Variants in SCARF2 observed in about 807,000 individuals in gnomAD.
SCARF2 encodes scavenger receptor expressed by endothelial cells 2 protein.
Under a neutral mutation model 73.4 loss-of-function variants are expected in SCARF2, and 39 were observed. The observed-to-expected ratio is 0.53, with a 90% CI of 0.41 to 0.69. SCARF2 has a LOEUF of 0.69. Ranked by LOEUF, SCARF2 falls within the 30% of genes least tolerant of loss-of-function variation. SCARF2 has a pLI of 0.00. For missense variants in SCARF2, 1,148 were observed against 1,303.5 expected, an observed-to-expected ratio of 0.88 and a Z score of 1.84; for synonymous variants, 605 against 590.0, an observed-to-expected ratio of 1.03 and a Z score of -0.37.
At position 20,429,268 on chromosome 22, in the gene SCARF2, C is replaced by T; in HGVS notation, c.1497G>A (p.Leu499=). ...CGRFSRISMK[L]PRIPLRRQKL... ...TCTGCCTCCGGAGCGGGATCCGGGG[C>T]AGCTTCATGCTGATGCGACTGAAGC... The change falls in exon 9 of 11, where the codon CTG becomes CTA. Residue 499 remains leucine (L), a synonymous_variant. Coordinates refer to ENST00000622235, the MANE Select transcript of SCARF2 (RefSeq NM_182895.5). The surrounding 1 kb of genome is among the most constrained non-coding windows in gnomAD (Gnocchi z 5.2). 1 of 1,613,804 alleles carries T rather than the reference C, an allele frequency of 6.2e-7. No individual in the cohort carries two copies. The highest frequency in any genetic ancestry group is 8.5e-7 in the Non-Finnish European group (1 of 1,180,002).
rs763001539 is a variant in SCARF2, at chr22:20,431,557, G to C, written c.335-20C>G. 7 of 1,559,952 alleles carry C rather than the reference G, an allele frequency of 4.5e-6. No individual in the cohort carries two copies. Among genetic ancestry groups the C allele is most frequent in the East Asian group, 4.8e-5 (2 of 42,080 alleles). ...GGCACTCTGCAGGGGAGGAGCGGAG[G>C]GGGTGGAAGGCCCCGGTGCTTGAGT... On this transcript the variant is annotated intron_variant, in intron 3 of 10. Transcript: ENST00000622235.
chr22:20,437,473 C>G, intron 1 of SCARF2, 109 bp downstream of exon 1: 2 of 1,221,438 alleles, frequency 1.6e-6, no homozygotes, highest in South Asian at 1.4e-5. Context: ...CGAAGGGGCC[C>G]ACACTTGGCG....
chr22:20,426,297 G>A lies in SCARF2; in HGVS notation c.1694-15C>T, dbSNP rs2052578231. 1.3e-6 allele frequency: 2 copies of A among 1,532,858 alleles called. No individual in the cohort carries two copies. The highest frequency in any genetic ancestry group is 1.7e-6 in the Non-Finnish European group (2 of 1,146,248). The allele number at this position is 1,532,858 out of a possible 1,614,324, so 95.0% of individuals were successfully genotyped here. A position where few individuals can be genotyped will look rare whatever the true frequency, so the allele number is the denominator to read the frequency against. On this transcript the variant is annotated splice_polypyrimidine_tract_variant and intron_variant, in intron 10 of 10. Transcript: ENST00000622235. ...CGCTGGTGCCTCTGGCAAGGGAAGA[G>A]CAGGGCGGTCACAGCCTTCAGGAAT...
chr22:20,429,839 G>C lies in SCARF2; in HGVS notation c.1203-6C>G. 1 of 1,612,012 alleles carries C rather than the reference G, an allele frequency of 6.2e-7. No individual in the cohort carries two copies. The highest frequency in any genetic ancestry group is 8.5e-7 in the Non-Finnish European group (1 of 1,179,496). ...GCGGGCACGTCACGTTACAGCTGCCGGGACATAGGGTCAAGGCATGCCACA... is the reference window on the plus strand; with the variant it reads ...GCGGGCACGTCACGTTACAGCTGCCCGGACATAGGGTCAAGGCATGCCACA... On this transcript the variant is annotated splice_polypyrimidine_tract_variant and splice_region_variant and intron_variant, in intron 6 of 10. Coordinates refer to ENST00000622235, the MANE Select transcript of SCARF2 (RefSeq NM_182895.5). The surrounding 1 kb of genome is among the most constrained non-coding windows in gnomAD (Gnocchi z 5.2).
intron 3 of SCARF2, 64 bp from the exon 4 acceptor site, chr22:20,431,601 G>T: frequency 6.5e-7 from 1 of 1,543,988 alleles, no homozygotes. Context: ...CCAGCCAGCC[G>T]GAACCTGCCC....
intron 1 of SCARF2, among the ~76,000 whole-genome samples, chr22:20,437,085 G>A (rs907126788): frequency 5.9e-5 from 9 of 151,946 alleles, no homozygotes; most frequent in South Asian, 4.2e-4. Flanking sequence ...TCCCACCCGC[G>A]CCCGCTCTAA....
intron 1 of SCARF2, among the ~76,000 whole-genome samples, chr22:20,433,798 G>A (rs2052671405): frequency 6.6e-6 from 1 of 152,252 alleles, no homozygotes. Flanking sequence ...GCACCAAGGT[G>A]CCCATCTGCA....
chr22:20,435,870 G>A (rs1473190129), intron 1 of SCARF2, among the ~76,000 whole-genome samples: 1 of 152,220 alleles, frequency 6.6e-6, no homozygotes, highest in Non-Finnish European at 1.5e-5. Flanking sequence ...CACAGTGTAG[G>A]TGCATAGGAT....
chr22:20,431,654 A>G, intron 3 of SCARF2, 91 bp downstream of exon 3: 1 of 1,536,818 alleles, frequency 6.5e-7, no homozygotes, highest in Non-Finnish European at 8.8e-7. Context: ...CCCGCCCCGA[A>G]GGCGGATCCG....
At chr22:20,433,055 T>C (rs775229465) in intron 1 of SCARF2, among the ~76,000 whole-genome samples, 4 of 152,188 alleles carry the variant, frequency 2.6e-5, no homozygotes, top group Non-Finnish European at 5.9e-5. Flanking sequence ...CCATTTGATT[T>C]GGCTTTACAG....
rs2052569578 is a variant in SCARF2, at chr22:20,425,816, CGTTGGGTCGCGGGTCCGGGGGCTGCCGT to C, written c.2132_2159del (p.His711ArgfsTer219). ...CCTCGGGCAGCCCGGGGGGCCGCGG[CGTTGGGTCGCGGGTCCGGGGGCTGCCGT>C]GTTCGACCGTATGCGCCGATTTGTC... On this transcript the variant is annotated frameshift_variant, in exon 11 of 11. Coordinates refer to ENST00000622235, the MANE Select transcript of SCARF2 (RefSeq NM_182895.5). LOFTEE classifies it low-confidence loss of function (END_TRUNC). This position sits in a 1 kb window ranked among gnomAD's most constrained non-coding sequence, Gnocchi z 4.6. The C allele has an allele frequency of 1.3e-6, 2 of 1,540,296 alleles. No homozygotes were observed. Among genetic ancestry groups the C allele is most frequent in the African/African-American group, 2.9e-5 (2 of 69,884 alleles).
intron 9 of SCARF2, among the ~76,000 whole-genome samples, chr22:20,428,628 T>C (rs2052606882): frequency 6.6e-6 from 1 of 152,112 alleles, no homozygotes; most frequent in African/African-American, 2.4e-5. Context: ...TCTCAGCTGT[T>C]TCCTTCATCT....
At chr22:20,437,470 G>T in intron 1 of SCARF2, 112 bp downstream of exon 1, 1 of 1,175,124 alleles carries the variant, frequency 8.5e-7, no homozygotes, top group Non-Finnish European at 1.2e-6. Flanking sequence ...AGCCGAAGGG[G>T]CCCACACTTG....
In SCARF2 at chr22:20,430,430, G is replaced by A. The variant is rs1199335297; in HGVS notation, c.1201C>T (p.His401Tyr). 1 of 1,588,774 alleles carries A rather than the reference G, an allele frequency of 6.3e-7. No homozygotes were observed. The highest frequency in any genetic ancestry group is 8.6e-7 in the Non-Finnish European group (1 of 1,168,118). Reference protein sequence around the residue: ...CLCSPGVHGPHCNVTCPPGLH... With the variant: ...CLCSPGVHGPYCNVTCPPGLH... ...CCCTCCCGGTCCCGGGGCACTCACT[G>A]GGGCCCGTGGACGCCAGGGCTGCAC... Residue 401 changes from histidine to tyrosine, a missense_variant and splice_region_variant, in exon 6 of 11, where the codon CAC (histidine) becomes TAC (tyrosine). By Grantham distance (83) the His-to-Tyr change is moderately conservative. This residue lies in a region of SCARF2 where 372 missense variants were observed against 532.0 expected (regional missense o/e 0.70). Transcript: ENST00000622235.
chr22:20,429,342 T>C lies in SCARF2; in HGVS notation c.1425-2A>G, dbSNP rs2052614958. 9.7e-7 allele frequency: 1 copy of C among 1,031,364 alleles called. No individual in the cohort carries two copies. The highest frequency in any genetic ancestry group is 1.8e-5 in the African/African-American group (1 of 55,088). 63.9% of individuals were successfully genotyped at this position (1,031,364 alleles called of 1,614,324 possible). A position where few individuals can be genotyped will look rare whatever the true frequency, so the allele number is the denominator to read the frequency against. ...TTCTTCCTCCCAAGCGAAAGCTCCC[T>C]GCGGGGGCGGGGTCTGAGCGGAGGG... On this transcript the variant is annotated splice_acceptor_variant, in intron 8 of 10. Transcript: ENST00000622235. LOFTEE classifies it high-confidence loss of function. The surrounding 1 kb of genome is among the most constrained non-coding windows in gnomAD (Gnocchi z 5.2).
intron 10 of SCARF2, among the ~76,000 whole-genome samples, chr22:20,426,666 G>A (rs999075857): frequency 1.3e-5 from 2 of 152,178 alleles, no homozygotes; most frequent in African/African-American, 4.8e-5. Flanking sequence ...TGGGCGTGGT[G>A]GCTCACGCCT....
At chr22:20,428,090 G>A (rs1005036862) in intron 9 of SCARF2, among the ~76,000 whole-genome samples, 1 of 152,188 alleles carries the variant, frequency 6.6e-6, no homozygotes, top group Admixed American at 6.5e-5. Context: ...ATTCCACAGA[G>A]GGATGTGGGG....
Position 20,431,910 on chromosome 22 carries a change from C to A in SCARF2, c.232+20G>T. Reference sequence around the variant, plus strand: ...CCCCGCCCCCTCCCCCGCCCCAGGTCCCCGGGATGACCCACTCACCAATCC... The same window carrying A: ...CCCCGCCCCCTCCCCCGCCCCAGGTACCCGGGATGACCCACTCACCAATCC... On this transcript the variant is annotated intron_variant, in intron 2 of 10. Transcript: ENST00000622235. 1 of 1,496,778 alleles carries A rather than the reference C, an allele frequency of 6.7e-7. No individual in the cohort carries two copies. Among genetic ancestry groups the A allele is most frequent in the African/African-American group, 1.4e-5 (1 of 71,398 alleles). The allele number at this position is 1,496,778 out of a possible 1,614,324, so 92.7% of individuals were successfully genotyped here.
Position 20,429,423 on chromosome 22 carries a change from A to T in SCARF2, c.1425-83T>A. 6.4e-7 allele frequency: 1 copy of T among 1,558,042 alleles called. No individual in the cohort carries two copies. Among genetic ancestry groups the T allele is most frequent in the Admixed American group, 1.9e-5 (1 of 53,142 alleles). On this transcript the variant is annotated intron_variant, in intron 8 of 10. Coordinates refer to ENST00000622235, the MANE Select transcript of SCARF2 (RefSeq NM_182895.5). This position sits in a 1 kb window ranked among gnomAD's most constrained non-coding sequence, Gnocchi z 5.2. Reference sequence around the variant, plus strand: ...AGATCTCGGCCGGAGCCAAGCACAGAAGGGGCGGGGCCACGTCCGGGGCAG... The same window carrying T: ...AGATCTCGGCCGGAGCCAAGCACAGTAGGGGCGGGGCCACGTCCGGGGCAG...
Sources: gnomAD v4.1 joint callset for allele counts (sites outside exome capture counted in the v4.1 genomes callset) on GRCh38, gnomAD v4.1.1 for gene constraint, gnomAD v4.1.1 regional missense constraint, Gnocchi (gnomAD v3.1) non-coding constraint, MANE v1.5 for transcripts, NCBI Gene and HGNC (gene_info 2026-07-23, HGNC 2026-07-21) for gene names.